CARMIL1: variants seen among roughly 807,000 people sequenced by gnomAD.
CARMIL1 encodes the protein capping protein regulator and myosin 1 linker 1.
A neutral mutation model predicts 177.1 loss-of-function variants in CARMIL1; 90 were observed. The observed-to-expected ratio is 0.51, with a 90% confidence interval of 0.43 to 0.61. The LOEUF is 0.61. Among genes scored for constraint, CARMIL1 ranks in the 20% least tolerant of loss-of-function variants. The pLI is 0.00. For synonymous variants in CARMIL1, 577 were observed against 606.2 expected, an observed-to-expected ratio of 0.95 and a Z score of 0.71; for missense variants, 1,380 against 1,667.0, an observed-to-expected ratio of 0.83 and a Z score of 3.00.
intron 2 of CARMIL1, among the ~76,000 whole-genome samples, chr6:25,373,520 A>T (rs186182066): frequency 5.0e-4 from 76 of 150,974 alleles, no homozygotes; most frequent in African/African-American, 1.8e-3. Context: ...GGAGGTGTTC[A>T]TAGCAGTCTT....
At chr6:25,568,754 T>C (rs1294444310) in intron 29 of CARMIL1, among the ~76,000 whole-genome samples, 1 of 152,214 alleles carries the variant, frequency 6.6e-6, no homozygotes, top group Non-Finnish European at 1.5e-5. Flanking sequence ...ATGCTTCTAG[T>C]TGTGCACTGT....
At chr6:25,514,260 C>T (rs301389) in intron 20 of CARMIL1, among the ~76,000 whole-genome samples, 66,348 of 151,872 alleles carry the variant, frequency 0.44, 14,889 homozygotes, top group Middle Eastern at 0.52. Flanking sequence ...AAAAACGTCA[C>T]ACAAGGCCTG....
chr6:25,391,779 C>T (rs1168301289), intron 2 of CARMIL1, among the ~76,000 whole-genome samples: 2 of 152,132 alleles, frequency 1.3e-5, no homozygotes, highest in African/African-American at 4.8e-5. Context: ...TCTGTAGAGG[C>T]ATGGTGGATT....
chr6:25,456,087 G>A (rs1799502081), intron 8 of CARMIL1, among the ~76,000 whole-genome samples: 1 of 152,182 alleles, frequency 6.6e-6, no homozygotes, highest in Non-Finnish European at 1.5e-5. Context: ...CTTATATCAT[G>A]TGATCTGTAG....
In CARMIL1 at chr6:25,528,832, A is replaced by T. The variant is rs991069045; in HGVS notation, c.2006A>T (p.Lys669Ile). The T allele has an allele frequency of 3.1e-6, 5 of 1,610,026 alleles. No individual in the cohort carries two copies. The highest frequency in any genetic ancestry group is 3.4e-5 in the Admixed American group (2 of 59,558). ...NYLLRNHETR[K>I]YLQEQAYRLQ... Reference sequence around the variant, plus strand: ...CTGCTACGAAATCACGAGACTAGAAAATACCTTCAAGAGCAGGCCTACCGC... The same window carrying T: ...CTGCTACGAAATCACGAGACTAGAATATACCTTCAAGAGCAGGCCTACCGC... The change falls in exon 24 of 37, where the codon AAA becomes ATA. Residue 669 changes from lysine (K) to isoleucine (I), a missense_variant. Transcript: ENST00000329474.
chr6:25,480,555 A>C (rs1047615386), intron 11 of CARMIL1, among the ~76,000 whole-genome samples: 18 of 150,946 alleles, frequency 1.2e-4, no homozygotes, highest in Admixed American at 4.6e-4. Context: ...TATCTCTTGA[A>C]AACATTTGAT....
intron 26 of CARMIL1, 26 bp downstream of exon 26, chr6:25,540,104 A>T (rs989656158): frequency 6.4e-7 from 1 of 1,566,788 alleles, no homozygotes; most frequent in Non-Finnish European, 8.6e-7. Context: ...TATTTGGGAA[A>T]TGAAATTGTT....
At chr6:25,518,329 C>G (rs1320377369) in intron 22 of CARMIL1, among the ~76,000 whole-genome samples, 1 of 152,186 alleles carries the variant, frequency 6.6e-6, no homozygotes, top group Non-Finnish European at 1.5e-5. Flanking sequence ...CATTTTACCT[C>G]TCTGATTAAA....
chr6:25,471,365 A>G, intron 10 of CARMIL1, 108 bp downstream of exon 10: 1 of 654,344 alleles, frequency 1.5e-6, no homozygotes, highest in South Asian at 2.6e-5. Context: ...GATCACATAT[A>G]CAGCAATGTT....
At position 25,451,989 on chromosome 6, in the gene CARMIL1, C is replaced by CCCA; in HGVS notation, c.614+1280_614+1281insACC. ...GTCATCTCATCACTAGCATCTTGCCCCCCCCTCCCCCCCCCAGAATACTGT... is the reference window on the plus strand; with the variant it reads ...GTCATCTCATCACTAGCATCTTGCCCCCACCCCCTCCCCCCCCCAGAATACTGT... On this transcript the variant is annotated intron_variant, in intron 8 of 36. Transcript: ENST00000329474. The CCCA allele has an allele frequency of 4.5e-5, 3 of 66,836 alleles. 1 individual carries two copies. The highest frequency in any genetic ancestry group is 1.8e-4 in the South Asian group (1 of 5,562). 4.1% of individuals were successfully genotyped at this position (66,836 alleles called of 1,614,324 possible).
At chr6:25,618,167 A>G (rs954545056) in intron 36 of CARMIL1, among the ~76,000 whole-genome samples, 2 of 152,082 alleles carry the variant, frequency 1.3e-5, no homozygotes, top group Non-Finnish European at 2.9e-5. Context: ...GAAGTACTCT[A>G]TTAGGTTTGC....
intron 32 of CARMIL1, among the ~76,000 whole-genome samples, chr6:25,598,431 G>A (rs532659796): frequency 6.6e-6 from 1 of 152,082 alleles, no homozygotes; most frequent in South Asian, 2.1e-4. Flanking sequence ...TAGGGATGGG[G>A]TTTTGCCATG....
intron 31 of CARMIL1, among the ~76,000 whole-genome samples, chr6:25,582,671 C>G (rs1226790728): frequency 1.3e-5 from 2 of 152,112 alleles, no homozygotes; most frequent in Non-Finnish European, 2.9e-5. Context: ...TGCTGCAGCC[C>G]TTTTCTTATT....
intron 2 of CARMIL1, among the ~76,000 whole-genome samples, chr6:25,294,740 G>C (rs959003547): frequency 6.6e-6 from 1 of 152,186 alleles, no homozygotes; most frequent in Non-Finnish European, 1.5e-5. Flanking sequence ...CTCAGTCCTT[G>C]GAAGATGTTG....
At chr6:25,311,545 G>GA (rs1021690883) in intron 2 of CARMIL1, among the ~76,000 whole-genome samples, 2 of 146,420 alleles carry the variant, frequency 1.4e-5, no homozygotes, top group Non-Finnish European at 3.0e-5. Context: ...TAGAGCGGGG[G>GA]AAAAAAAGAG....
intron 34 of CARMIL1, among the ~76,000 whole-genome samples, chr6:25,605,600 G>GA (rs762397507): frequency 1.7e-4 from 26 of 152,142 alleles, no homozygotes; most frequent in Non-Finnish European, 3.1e-4. Context: ...CACTAAACAT[G>GA]AGATTGCAGC....
Position 25,450,428 on chromosome 6 carries a change from A to G in CARMIL1, c.540+19A>G. 1 of 1,593,864 alleles carries G rather than the reference A, an allele frequency of 6.3e-7. No homozygotes were observed. Among genetic ancestry groups the G allele is most frequent in the South Asian group, 1.1e-5 (1 of 90,474 alleles). ...ACAATGGGTAAGAATGTCTGTGTAC[A>G]TGTGCATGAGCACACACACTCCTGG... On this transcript the variant is annotated intron_variant, in intron 7 of 36. Transcript: ENST00000329474.
At chr6:25,450,435 T>C in intron 7 of CARMIL1, 26 bp downstream of exon 7, 2 of 1,547,660 alleles carry the variant, frequency 1.3e-6, no homozygotes, top group Admixed American at 1.7e-5. Flanking sequence ...TACATGTGCA[T>C]GAGCACACAC....
rs148593015 is a variant in CARMIL1 at position 25,390,786 on chromosome 6, G to A, written c.139-29328G>A. On this transcript the variant is annotated intron_variant, in intron 2 of 36. Transcript: ENST00000329474. ...GCTCATTGTCACCTCTGCCTCCTGG[G>A]TTCAAGTGATTCTCCTGCCTCAGCC... 7.4e-4 allele frequency among the ~76,000 whole-genome samples: 112 copies of A among 152,288 alleles called. 1 individual carries two copies. The highest frequency in any genetic ancestry group is 7.1e-3 in the Admixed American group (108 of 15,300).
Sources: allele counts gnomAD v4.1 joint callset (sites outside exome capture counted in the v4.1 genomes callset), GRCh38; gene constraint gnomAD v4.1.1; transcripts MANE v1.5; gene names NCBI Gene and HGNC (gene_info 2026-07-23, HGNC 2026-07-21).